The following GYS1 variants were observed in gnomAD, a reference collection of about 807,000 sequenced individuals.
GYS1 encodes the protein glycogen [starch] synthase, muscle.
A neutral mutation model predicts 89.1 loss-of-function variants in GYS1; 60 were observed. The ratio of observed to expected loss-of-function variants is 0.67; its 90% CI spans 0.55 to 0.84. The LOEUF is 0.84. GYS1 is among the 40% of genes least tolerant of loss of function. The pLI, the probability that GYS1 is intolerant of heterozygous loss-of-function variation, is 0.00. For synonymous variants in GYS1, 366 were observed against 401.7 expected, an observed-to-expected ratio of 0.91 and a Z score of 1.06; for missense variants, 888 against 1,003.1, an observed-to-expected ratio of 0.89 and a Z score of 1.55.
In GYS1 at chr19:48,985,464, G is replaced by C. The variant is rs986691237; in HGVS notation, c.820C>G (p.Pro274Ala). ...IEAQHLLKRK[P>A]DIVTPNGLNV... ...GGGACTTCAGCCCAGCCCCTACCTG[G>C]TTTCCTCTTGAGCAAGTGCTGTGCC... Residue 274 changes from proline (P) to alanine (A), a missense_variant, in exon 5 of 16, where the codon CCA becomes GCA. Coordinates refer to ENST00000323798, the MANE Select transcript of GYS1 (RefSeq NM_002103.5). 2.5e-6 allele frequency: 4 copies of C among 1,613,498 alleles called. No individual in the cohort carries two copies. Among genetic ancestry groups the C allele is most frequent in the Non-Finnish European group, 3.4e-6 (4 of 1,180,032 alleles).
In GYS1 at chr19:48,993,237, G is replaced by C. The variant is rs2287754; in HGVS notation, c.-125C>G. On this transcript the variant is annotated 5_prime_UTR_variant, in exon 1 of 16. Transcript: ENST00000323798. ...CCGACGGGAAGCTTGCAAGACGCTCGGCTTCCTATTGCAAGACCGCACCCC... is the reference window on the plus strand; with the variant it reads ...CCGACGGGAAGCTTGCAAGACGCTCCGCTTCCTATTGCAAGACCGCACCCC... 1 of 759,216 alleles carries C rather than the reference G, an allele frequency of 1.3e-6. No individual in the cohort carries two copies. The highest frequency in any genetic ancestry group is 1.7e-5 in the Admixed American group (1 of 58,390). 47.0% of individuals were successfully genotyped at this position (759,216 alleles called of 1,614,324 possible).
At chr19:48,992,858 C>A in intron 1 of GYS1, 137 bp downstream of exon 1, 1 of 690,426 alleles carries the variant, frequency 1.4e-6, no homozygotes, top group Non-Finnish European at 2.7e-6. Context: ...GCTTCCCAGC[C>A]CCTCCTCAAG....
Position 48,983,000 on chromosome 19 carries a change from T to C in GYS1, c.824-163A>G, listed in dbSNP as rs190458545. ...CCACCTTTTTTGTTTGTTTGTTTGT[T>C]TTTGGAGACAGGGTTTCTCTCTGTC... is the stretch of plus-strand genomic sequence containing the variant. On this transcript the variant is annotated intron_variant, in intron 5 of 15. Coordinates refer to ENST00000323798, the MANE Select transcript of GYS1 (RefSeq NM_002103.5). Among the ~76,000 whole-genome samples the C allele has an allele frequency of 9.1e-4, 139 of 152,208 alleles. 1 individual carries two copies. Among genetic ancestry groups the C allele is most frequent in the Admixed American group, 4.4e-3 (67 of 15,286 alleles).
intron 12 of GYS1, among the ~76,000 whole-genome samples, chr19:48,973,312 A>G (rs2038594193): frequency 7.3e-6 from 1 of 136,776 alleles, no homozygotes; most frequent in Non-Finnish European, 1.5e-5. Flanking sequence ...TCCGTTATAA[A>G]TTACCCAGTC....
Position 48,969,336 on chromosome 19 carries a change from CGG to C in GYS1, c.2164_2165del (p.Pro722GlufsTer15), listed in dbSNP as rs757063983. 6.3e-7 allele frequency: 1 copy of C among 1,584,406 alleles called. No individual in the cohort carries two copies. ...AGCTGGTGGGGCTGAGGGGCTCGCT[CGG>C]GGTGCTGAGTGAGCTGGAGGTGGCC... ...DTATSSSLST[P>X]SEPLSPTSSL... On this transcript the variant is annotated frameshift_variant, in exon 16 of 16. Transcript: ENST00000323798. LOFTEE classifies it high-confidence loss of function.
At position 48,968,209 on chromosome 19, in the gene GYS1, T is replaced by G. The variant is rs958436649; in HGVS notation, c.*1079A>C. 6.6e-6 allele frequency: 3 copies of G among 454,020 alleles called. No homozygotes were observed. The highest frequency in any genetic ancestry group is 4.0e-5 in the African/African-American group (2 of 49,976). 28.1% of individuals were successfully genotyped at this position (454,020 alleles called of 1,614,324 possible). A position where few individuals can be genotyped will look rare whatever the true frequency, so the allele number is the denominator to read the frequency against. On this transcript the variant is annotated 3_prime_UTR_variant, in exon 16 of 16. Coordinates refer to ENST00000323798, the MANE Select transcript of GYS1 (RefSeq NM_002103.5). ...ACCCCTCCTGCCCTCCCCTCTCAAC[T>G]GCAAACCAAGCGGTGCAGACACAGC...
chr19:48,979,726 A>C (rs1326365979), intron 8 of GYS1, among the ~76,000 whole-genome samples: 8 of 144,728 alleles, frequency 5.5e-5, no homozygotes, highest in African/African-American at 2.1e-4. Context: ...GGCTCACTGC[A>C]ATCTCTGCCT....
intron 8 of GYS1, among the ~76,000 whole-genome samples, chr19:48,981,013 T>G (rs145862396): frequency 6.6e-6 from 1 of 151,536 alleles, no homozygotes; most frequent in African/African-American, 2.4e-5. Context: ...ACTCAGAGGC[T>G]GAGGCAGGAA....
chr19:48,982,421 T>G (rs755063701), intron 6 of GYS1, 46 bp from the exon 7 acceptor site: 2 of 1,612,248 alleles, frequency 1.2e-6, no homozygotes, highest in Non-Finnish European at 1.7e-6. Context: ...CCTCACCCGC[T>G]AGCCCTGGCC....
chr19:48,974,864 G>C lies in GYS1; in HGVS notation c.1309-131C>G, dbSNP rs544292412. On this transcript the variant is annotated intron_variant, in intron 10 of 15. Transcript: ENST00000323798. Reference sequence around the variant, plus strand: ...ACCGGACGTGGGGCAACAAACCCAAGTGATCACCAGGAGTTGTGGATTCCC... The same window carrying C: ...ACCGGACGTGGGGCAACAAACCCAACTGATCACCAGGAGTTGTGGATTCCC... 12 of 647,974 alleles carry C rather than the reference G, an allele frequency of 1.9e-5. No homozygotes were observed. The East Asian group carries it at 3.0e-4, about 16-fold the overall frequency. 40.1% of individuals were successfully genotyped at this position (647,974 alleles called of 1,614,324 possible).
chr19:48,982,342 G>A lies in GYS1; in HGVS notation c.975C>T (p.Tyr325=). 1 of 1,613,922 alleles carries A rather than the reference G, an allele frequency of 6.2e-7. No individual in the cohort carries two copies. Among genetic ancestry groups the A allele is most frequent in the Non-Finnish European group, 8.5e-7 (1 of 1,179,916 alleles). ...HLDFNLDKTL[Y]FFIAGRYEFS... Reference sequence around the variant, plus strand: ...ACTCATAGCGGCCGGCGATAAAGAAGTATAAGGTCTTGTCCAAGTTGAAGT... The same window carrying A: ...ACTCATAGCGGCCGGCGATAAAGAAATATAAGGTCTTGTCCAAGTTGAAGT... Residue 325 remains tyrosine, a synonymous_variant, in exon 7 of 16, where the codon TAC becomes TAT. Coordinates refer to ENST00000323798, the MANE Select transcript of GYS1 (RefSeq NM_002103.5).
At chr19:48,990,047 T>C (rs1410893025) in intron 2 of GYS1, among the ~76,000 whole-genome samples, 1 of 136,626 alleles carries the variant, frequency 7.3e-6, no homozygotes, top group East Asian at 2.2e-4. Context: ...GGGAAGCAGC[T>C]GCCCTCAGGA....
In GYS1 at chr19:48,982,263, G is replaced by C; in HGVS notation, c.1054C>G (p.Leu352Val). 6.2e-7 allele frequency: 1 copy of C among 1,613,670 alleles called. No homozygotes were observed. Among genetic ancestry groups the C allele is most frequent in the Non-Finnish European group, 8.5e-7 (1 of 1,179,784 alleles). Residue 352 changes from leucine to valine, a missense_variant, in exon 7 of 16, where the codon CTG becomes GTG. Transcript: ENST00000323798. ...CATAGCCCAGGCCTCACTCTGAGCA[G>C]ATAGTTGAGCCGAGCCAATGCCTCC... ...FLEALARLNY[L>V]LRVNGSEQTV...
intron 8 of GYS1, among the ~76,000 whole-genome samples, chr19:48,981,101 A>G (rs1367595304): frequency 1.4e-5 from 2 of 145,608 alleles, no homozygotes; most frequent in African/African-American, 2.6e-5. Flanking sequence ...CGACAGAGCA[A>G]AACTCCATCT....
chr19:48,970,301 A>G, intron 14 of GYS1: 1 of 503,976 alleles, frequency 2.0e-6, no homozygotes, highest in South Asian at 2.1e-5. Context: ...ATTTTTTTTT[A>G]TTTTTAGTAA....
intron 6 of GYS1, 74 bp downstream of exon 6, chr19:48,982,646 C>T: frequency 8.8e-7 from 1 of 1,131,350 alleles, no homozygotes; most frequent in Non-Finnish European, 1.4e-6. Flanking sequence ...CCCCAGCTGC[C>T]CCCTCCCCCA....
chr19:48,970,454 A>G, intron 14 of GYS1, 92 bp downstream of exon 14: 1 of 1,058,150 alleles, frequency 9.5e-7, no homozygotes, highest in South Asian at 1.3e-5. Context: ...AGCAACTGTT[A>G]CAAGTAGGAT....
rs375001760 is a variant in GYS1, at chr19:48,989,794, G to A, written c.300+1508C>T. Among the ~76,000 whole-genome samples, 32 of 152,274 alleles carry A rather than the reference G, an allele frequency of 2.1e-4. No individual in the cohort carries two copies. The East Asian group carries it at 5.0e-3, about 24-fold the overall frequency. ...GGGCTGCATTTTTCTAGCCACTGCC[G>A]TGTTTCTAAGACTTGCTGTCTCACT... On this transcript the variant is annotated intron_variant, in intron 2 of 15. Coordinates refer to ENST00000323798, the MANE Select transcript of GYS1 (RefSeq NM_002103.5).
At chr19:48,984,820 A>G (rs144942143) in intron 5 of GYS1, among the ~76,000 whole-genome samples, 2,536 of 151,938 alleles carry the variant, frequency 0.017, 70 homozygotes, top group African/African-American at 0.053. Context: ...GGCGGAGCTT[A>G]CAGTGAGCCA....
Sources: gnomAD v4.1 joint callset for allele counts (sites outside exome capture counted in the v4.1 genomes callset) on GRCh38, gnomAD v4.1.1 for gene constraint, MANE v1.5 for transcripts, NCBI Gene and HGNC (gene_info 2026-07-23, HGNC 2026-07-21) for gene names.